Variants in PPP5C observed in about 807,000 individuals in gnomAD.
PPP5C encodes protein phosphatase 5 catalytic subunit, also known as serine/threonine-protein phosphatase 5.
PPP5C carries 21 observed loss-of-function variants against 66.7 expected under a neutral mutation model. The observed-to-expected ratio is 0.31, with a 90% CI of 0.22 to 0.45. The LOEUF is 0.45. Among genes scored for constraint, PPP5C ranks in the 20% least tolerant of loss-of-function variants. PPP5C has a pLI of 1.00. For synonymous variants in PPP5C, 246 were observed against 257.4 expected (o/e 0.96, Z 0.43); for missense variants, 464 against 675.9 (o/e 0.69, Z 3.48).
intron 2 of PPP5C, among the ~76,000 whole-genome samples, chr19:46,355,216 C>G (rs1246179899): frequency 3.9e-5 from 6 of 152,356 alleles, no homozygotes; most frequent in Middle Eastern, 3.4e-3. Flanking sequence ...GCTTGTCCTG[C>G]GCATGGGGAT....
chr19:46,387,925 C>G, intron 9 of PPP5C: 1 of 323,670 alleles, frequency 3.1e-6, no homozygotes, highest in South Asian at 3.4e-5. Flanking sequence ...AGGCATCTGC[C>G]GTGCACAGAG....
chr19:46,383,387 C>A lies in PPP5C; in HGVS notation c.634-24C>A. 1 of 1,606,788 alleles carries A rather than the reference C, an allele frequency of 6.2e-7. No homozygotes were observed. ...GGGCAGCAGCCCCTGCAGCCGGTCC[C>A]ACTGAGTCTGCCCTGCCTTCCAGAT... On this transcript the variant is annotated intron_variant, in intron 4 of 12. Transcript: ENST00000012443. This position sits in a 1 kb window ranked among gnomAD's most constrained non-coding sequence, Gnocchi z 5.0.
At chr19:46,385,783 A>C (rs1276087180) in intron 7 of PPP5C, among the ~76,000 whole-genome samples, 1 of 151,548 alleles carries the variant, frequency 6.6e-6, no homozygotes, top group Admixed American at 6.6e-5. Flanking sequence ...CAGTCTAAAA[A>C]AAAAAAAAAA....
chr19:46,378,386 G>A (rs751835795), intron 4 of PPP5C, among the ~76,000 whole-genome samples: 15 of 152,158 alleles, frequency 9.9e-5, no homozygotes, highest in Non-Finnish European at 1.9e-4. Flanking sequence ...TTTTAGATCT[G>A]TCTTGGCAAA....
In PPP5C at chr19:46,384,800, A is replaced by T; in HGVS notation, c.799-4A>T. 6.2e-7 allele frequency: 1 copy of T among 1,607,070 alleles called. No homozygotes were observed. Among genetic ancestry groups the T allele is most frequent in the Non-Finnish European group, 8.5e-7 (1 of 1,174,080 alleles). On this transcript the variant is annotated splice_region_variant and splice_polypyrimidine_tract_variant and intron_variant, in intron 6 of 12. Coordinates refer to ENST00000012443, the MANE Select transcript of PPP5C (RefSeq NM_006247.4). ...CGCTTGCCATGTTTTCCTCAGCAGGACAGATATTTAATGGTGACTTTGTGG... is the reference window on the plus strand; with the variant it reads ...CGCTTGCCATGTTTTCCTCAGCAGGTCAGATATTTAATGGTGACTTTGTGG...
chr19:46,357,924 T>C (rs1164175741), intron 2 of PPP5C, among the ~76,000 whole-genome samples: 4 of 152,190 alleles, frequency 2.6e-5, no homozygotes, highest in Admixed American at 2.0e-4. Flanking sequence ...CCATTGGTCA[T>C]TGGTGATCAA....
chr19:46,369,171 G>T (rs554146856), intron 2 of PPP5C, among the ~76,000 whole-genome samples: 3 of 151,412 alleles, frequency 2.0e-5, no homozygotes, highest in South Asian at 4.1e-4. Context: ...TTCATTGTGT[G>T]AGCATCATAG....
intron 4 of PPP5C, among the ~76,000 whole-genome samples, chr19:46,378,281 T>C (rs1972731418): frequency 2.0e-5 from 3 of 152,254 alleles, no homozygotes; most frequent in Admixed American, 2.0e-4. Flanking sequence ...AAGGGTATTG[T>C]TTAACTCCCA....
At chr19:46,348,605 C>A (rs143672249) in intron 1 of PPP5C, among the ~76,000 whole-genome samples, 10 of 152,120 alleles carry the variant, frequency 6.6e-5, no homozygotes, top group Non-Finnish European at 1.5e-5. Flanking sequence ...TGAGCCACCA[C>A]GCCCAGCCCT....
intron 2 of PPP5C, among the ~76,000 whole-genome samples, chr19:46,357,240 G>A (rs1301236119): frequency 1.3e-5 from 2 of 152,152 alleles, no homozygotes; most frequent in South Asian, 2.1e-4. Context: ...TGGAGATGGG[G>A]TTTCACCATG....
chr19:46,363,307 CAAA>C (rs1158423038), intron 2 of PPP5C, among the ~76,000 whole-genome samples: 85 of 27,926 alleles, frequency 3.0e-3, no homozygotes, highest in African/African-American at 6.6e-3. Context: ...GACTCCATCT[CAAA>C]AAAAAAAAAA....
chr19:46,353,057 G>A (rs1056189961), intron 1 of PPP5C, among the ~76,000 whole-genome samples: 1 of 152,188 alleles, frequency 6.6e-6, no homozygotes. Context: ...TCTCCTGCCT[G>A]TCAAATGGGC....
chr19:46,364,946 G>A (rs890456218), intron 2 of PPP5C, among the ~76,000 whole-genome samples: 1 of 152,016 alleles, frequency 6.6e-6, no homozygotes, highest in Admixed American at 6.6e-5. Flanking sequence ...TGTCCTTTAA[G>A]GCAAAGCTCA....
intron 2 of PPP5C, among the ~76,000 whole-genome samples, chr19:46,356,528 G>A (rs933391251): frequency 6.6e-6 from 1 of 152,178 alleles, no homozygotes; most frequent in Non-Finnish European, 1.5e-5. Context: ...GCCCAGCACT[G>A]CTGGGAGCCC....
intron 2 of PPP5C, among the ~76,000 whole-genome samples, chr19:46,372,722 T>C (rs1031763679): frequency 2.6e-5 from 4 of 152,228 alleles, no homozygotes; most frequent in African/African-American, 9.6e-5. Context: ...TAAGAAGTAA[T>C]GCAGAAATCC....
chr19:46,374,847 G>A (rs1397207533), intron 2 of PPP5C, among the ~76,000 whole-genome samples: 2 of 152,170 alleles, frequency 1.3e-5, no homozygotes, highest in Non-Finnish European at 2.9e-5. Context: ...GAGAGAAACT[G>A]AGCCACAGAG....
chr19:46,356,808 A>T (rs2147365965), intron 2 of PPP5C, among the ~76,000 whole-genome samples: 1 of 152,308 alleles, frequency 6.6e-6, no homozygotes, highest in South Asian at 2.1e-4. Context: ...CAGATGAGTG[A>T]TGGATGTGAT....
At chr19:46,347,940 G>GAAAAAAAA (rs199970142) in intron 1 of PPP5C, among the ~76,000 whole-genome samples, 1 of 122,964 alleles carries the variant, frequency 8.1e-6, no homozygotes. Flanking sequence ...AACCAGACAT[G>GAAAAAAAA]AAAAAAAAAA....
intron 1 of PPP5C, 76 bp downstream of exon 1, chr19:46,347,293 G>A: frequency 6.7e-7 from 1 of 1,494,904 alleles, no homozygotes; most frequent in East Asian, 2.5e-5. Context: ...CCATAGCAAC[G>A]CGGAGCTGCA....
Sources: allele counts gnomAD v4.1 joint callset (sites outside exome capture counted in the v4.1 genomes callset), GRCh38; gene constraint gnomAD v4.1.1; non-coding constraint Gnocchi (gnomAD v3.1); transcripts MANE v1.5; gene names NCBI Gene and HGNC (gene_info 2026-07-23, HGNC 2026-07-21).